REEP1: variants seen among roughly 807,000 people sequenced by gnomAD.
REEP1 encodes the protein receptor expression-enhancing protein 1.
Under a neutral mutation model 40.3 loss-of-function variants are expected in REEP1, and 22 were observed. The observed-to-expected ratio is 0.55, with a 90% confidence interval of 0.39 to 0.78. REEP1 has a LOEUF of 0.78. REEP1 is among the 30% of genes least tolerant of loss of function. The probability of loss-of-function intolerance (pLI) is 0.00; values close to 1 mark genes in which losing one functional copy is unlikely to be tolerated. For missense variants in REEP1, 280 were observed against 361.1 expected (o/e 0.78, Z 1.82); for synonymous variants, 116 against 139.2 (o/e 0.83, Z 1.17).
rs192917436 is a variant in REEP1 at position 86,256,651 on chromosome 2, C to T, written c.183-1837G>A. Among the ~76,000 whole-genome samples, 139 of 152,302 alleles carry T rather than the reference C, an allele frequency of 9.1e-4. 1 individual carries two copies. Among genetic ancestry groups the T allele is most frequent in the Non-Finnish European group, 3.7e-4 (25 of 68,014 alleles). On this transcript the variant is annotated intron_variant, in intron 3 of 8. Coordinates refer to ENST00000538924, the MANE Select transcript of REEP1 (RefSeq NM_001371279.1). ...CCCCAGTTTCTCCCTCTTCTCCTGA[C>T]GGACCCTGAGTGGCCCCCAACATGG... is the stretch of plus-strand genomic sequence containing the variant.
At chr2:86,242,713 A>G (rs1215149247) in intron 5 of REEP1, among the ~76,000 whole-genome samples, 1 of 152,180 alleles carries the variant, frequency 6.6e-6, no homozygotes, top group Non-Finnish European at 1.5e-5. Flanking sequence ...AAGGAGAGAC[A>G]AGACTGAAAG....
intron 6 of REEP1, among the ~76,000 whole-genome samples, chr2:86,230,279 C>A (rs1181339573): frequency 2.0e-5 from 3 of 152,256 alleles, no homozygotes; most frequent in Non-Finnish European, 4.4e-5. Context: ...TCCCTGCAGA[C>A]CCTGCCAGCT....
chr2:86,279,730 A>C (rs1336760096), intron 2 of REEP1, among the ~76,000 whole-genome samples: 1 of 152,170 alleles, frequency 6.6e-6, no homozygotes, highest in Non-Finnish European at 1.5e-5. Flanking sequence ...AGAAAGGGGC[A>C]CAAGCCTAAG....
intron 2 of REEP1, among the ~76,000 whole-genome samples, chr2:86,275,009 G>A (rs1677675859): frequency 6.6e-6 from 1 of 152,182 alleles, no homozygotes; most frequent in African/African-American, 2.4e-5. Context: ...AGCAGGCTTA[G>A]CTACTTCTTT....
At chr2:86,300,639 C>A (rs1342426692) in intron 1 of REEP1, among the ~76,000 whole-genome samples, 3 of 152,168 alleles carry the variant, frequency 2.0e-5, no homozygotes, top group African/African-American at 7.2e-5. Flanking sequence ...GGCTTCCCAA[C>A]TGCCTTCCAG....
chr2:86,253,259 C>T (rs1676381831), intron 4 of REEP1, among the ~76,000 whole-genome samples: 1 of 152,152 alleles, frequency 6.6e-6, no homozygotes, highest in African/African-American at 2.4e-5. Context: ...CCAGCCTGGG[C>T]AACAGAGCAA....
intron 2 of REEP1, among the ~76,000 whole-genome samples, chr2:86,264,565 C>G (rs1315722062): frequency 3.3e-5 from 5 of 152,160 alleles, no homozygotes; most frequent in African/African-American, 1.2e-4. Flanking sequence ...TGACTTTCCC[C>G]TCAGCAACCC....
intron 1 of REEP1, among the ~76,000 whole-genome samples, chr2:86,291,599 C>T (rs1021191801): frequency 3.3e-5 from 5 of 152,034 alleles, no homozygotes; most frequent in Admixed American, 3.3e-4. Flanking sequence ...ATCTGATCTG[C>T]ACTGTACCCC....
intron 2 of REEP1, among the ~76,000 whole-genome samples, chr2:86,275,084 C>T (rs1438382612): frequency 6.6e-6 from 1 of 152,186 alleles, no homozygotes; most frequent in Non-Finnish European, 1.5e-5. Context: ...CCTTTCACAC[C>T]CTCTTGCATC....
chr2:86,337,661 T>C (rs1361738747), upstream of REEP1: 1 of 1,024,578 alleles, frequency 9.8e-7, no homozygotes, highest in Admixed American at 5.8e-5. The surrounding 1 kb of genome is among the most constrained non-coding windows in gnomAD (Gnocchi z 5.8). Context: ...CGTTCGCGCG[T>C]TGGCGCAGCC....
In REEP1 at chr2:86,220,120, C is replaced by T; in HGVS notation, c.633G>A (p.Val211=). The T allele has an allele frequency of 8.1e-7, 1 of 1,230,374 alleles. No individual in the cohort carries two copies. Among genetic ancestry groups the T allele is most frequent in the Non-Finnish European group, 1.0e-6 (1 of 987,266 alleles). 76.2% of individuals were successfully genotyped at this position (1,230,374 alleles called of 1,614,324 possible). ...CACCCTCATTCACATCTCCCTCAAC[C>T]ACTTAATGTCCATTTACAATCTACA... ...TCCSTCRTWK[V]VEGDVNEGGM... The change falls in exon 8 of 9, where the codon GTG becomes GTA. Residue 211 remains valine, a splice_region_variant and synonymous_variant. Coordinates refer to ENST00000538924, the MANE Select transcript of REEP1 (RefSeq NM_001371279.1).
chr2:86,268,411 C>T (rs1168581419), intron 2 of REEP1, among the ~76,000 whole-genome samples: 1 of 152,080 alleles, frequency 6.6e-6, no homozygotes, highest in Non-Finnish European at 1.5e-5. Context: ...AAATGAATAA[C>T]TTAGAAATGT....
chr2:86,307,769 A>G (rs1405152191), intron 1 of REEP1, among the ~76,000 whole-genome samples: 1 of 152,154 alleles, frequency 6.6e-6, no homozygotes, highest in African/African-American at 2.4e-5. Context: ...TGCTATTTAC[A>G]AAATGTTTGA....
chr2:86,313,727 C>A lies in REEP1; in HGVS notation c.32+23752G>T, dbSNP rs562041450. ...AGGGCCAGGCCAGTGATGGAAAAGACCAGGTGTGAGATGAGACATGGTCAC... is the reference window on the plus strand; with the variant it reads ...AGGGCCAGGCCAGTGATGGAAAAGAACAGGTGTGAGATGAGACATGGTCAC... On this transcript the variant is annotated intron_variant, in intron 1 of 8. Transcript: ENST00000538924. Among the ~76,000 whole-genome samples the A allele has an allele frequency of 2.0e-5, 3 of 152,278 alleles. No homozygotes were observed. In the East Asian group the frequency reaches 5.8e-4, roughly 29 times the overall value.
intron 1 of REEP1, among the ~76,000 whole-genome samples, chr2:86,320,654 A>G (rs1249932879): frequency 6.6e-6 from 1 of 152,252 alleles, no homozygotes; most frequent in Non-Finnish European, 1.5e-5. Flanking sequence ...ACATCATAAA[A>G]TATGGCCAGT....
At chr2:86,277,880 T>G (rs1460583020) in intron 2 of REEP1, among the ~76,000 whole-genome samples, 2 of 152,334 alleles carry the variant, frequency 1.3e-5, no homozygotes, top group East Asian at 3.9e-4. Context: ...TTAAAACTGA[T>G]TGCAATGCAT....
intron 1 of REEP1, among the ~76,000 whole-genome samples, chr2:86,287,488 T>C (rs1335096401): frequency 6.6e-6 from 1 of 152,242 alleles, no homozygotes; most frequent in Non-Finnish European, 1.5e-5. Flanking sequence ...AGCATTAAAA[T>C]GTATTAAAAT....
At chr2:86,262,214 C>T (rs74798103) in intron 3 of REEP1, among the ~76,000 whole-genome samples, 5 of 152,220 alleles carry the variant, frequency 3.3e-5, no homozygotes, top group Admixed American at 1.3e-4. Flanking sequence ...CCAAGTCTCT[C>T]GTTCCACCTA....
rs578200926 is a variant in REEP1, at chr2:86,295,150, A to G, written c.33-12908T>C. On this transcript the variant is annotated intron_variant, in intron 1 of 8. Coordinates refer to ENST00000538924, the MANE Select transcript of REEP1 (RefSeq NM_001371279.1). Reference sequence around the variant, plus strand: ...TCAGCACGTGTCTTAATTATGAGTGAGTCAGGACAATCAGGGAACAAATGC... The same window carrying G: ...TCAGCACGTGTCTTAATTATGAGTGGGTCAGGACAATCAGGGAACAAATGC... 2.0e-5 allele frequency among the ~76,000 whole-genome samples: 3 copies of G among 152,410 alleles called. No homozygotes were observed. The South Asian group carries it at 6.2e-4, about 32-fold the overall frequency.
Sources: allele counts gnomAD v4.1 joint callset (sites outside exome capture counted in the v4.1 genomes callset), GRCh38; gene constraint gnomAD v4.1.1; non-coding constraint Gnocchi (gnomAD v3.1); transcripts MANE v1.5; gene names NCBI Gene and HGNC (gene_info 2026-07-23, HGNC 2026-07-21).